Variants in PRKG1 observed in about 807,000 individuals in gnomAD.
PRKG1 encodes the protein protein kinase cGMP-dependent 1.
PRKG1 carries 35 observed loss-of-function variants against 88.1 expected under a neutral mutation model. The ratio of observed to expected loss-of-function variants is 0.40; its 90% CI spans 0.30 to 0.53. The LOEUF is 0.53. PRKG1 is among the 20% of genes least tolerant of loss of function. The pLI, the probability that PRKG1 is intolerant of heterozygous loss-of-function variation, is 0.59. For synonymous variants in PRKG1, 303 were observed against 292.5 expected (o/e 1.04, Z -0.37); for missense variants, 540 against 839.8 (o/e 0.64, Z 4.41).
chr10:52,103,474 C>G (rs1206105189), intron 7 of PRKG1, among the ~76,000 whole-genome samples: 1 of 152,058 alleles, frequency 6.6e-6, no homozygotes, highest in East Asian at 1.9e-4. Context: ...TCCACTTTCA[C>G]TTAAGGAATT....
At chr10:52,137,080 C>G (rs1837445157) in intron 8 of PRKG1, among the ~76,000 whole-genome samples, 1 of 152,046 alleles carries the variant, frequency 6.6e-6, no homozygotes, top group East Asian at 1.9e-4. Context: ...GGGCTTCATC[C>G]CATGCAAACA....
intron 4 of PRKG1, among the ~76,000 whole-genome samples, chr10:51,817,047 A>G (rs1417514991): frequency 1.3e-5 from 2 of 152,226 alleles, no homozygotes; most frequent in Non-Finnish European, 2.9e-5. Flanking sequence ...TAAGAATTTT[A>G]ATTACACAGA....
At chr10:51,958,546 C>CTTTTTTTTTT (rs754914836) in intron 5 of PRKG1, among the ~76,000 whole-genome samples, 1 of 92,866 alleles carries the variant, frequency 1.1e-5, no homozygotes, top group Non-Finnish European at 2.2e-5. Flanking sequence ...ATTGTTGTTC[C>CTTTTTTTTTT]TTTTTTTTTT....
intron 10 of PRKG1, among the ~76,000 whole-genome samples, chr10:52,261,809 GTTA>G (rs2132416801): frequency 6.6e-6 from 1 of 152,102 alleles, no homozygotes; most frequent in East Asian, 1.9e-4. Context: ...AGTATTTTTT[GTTA>G]TTGTTGTTGT....
At chr10:51,079,377 G>A (rs1844048295) in intron 1 of PRKG1, among the ~76,000 whole-genome samples, 1 of 152,168 alleles carries the variant, frequency 6.6e-6, no homozygotes, top group Non-Finnish European at 1.5e-5. Context: ...GGAAGTAGAA[G>A]GGTTTAAAGT....
chr10:51,832,049 AAG>A (rs953423853), intron 4 of PRKG1, among the ~76,000 whole-genome samples: 50 of 152,300 alleles, frequency 3.3e-4, no homozygotes, highest in African/African-American at 1.2e-3. Flanking sequence ...TAATTTCTGT[AAG>A]ACAGGTGAAA....
intron 9 of PRKG1, among the ~76,000 whole-genome samples, chr10:52,172,744 G>C (rs1450594977): frequency 6.6e-6 from 1 of 152,198 alleles, no homozygotes; most frequent in African/African-American, 2.4e-5. Flanking sequence ...GAGATAAAAT[G>C]TTTGAACCTA....
rs3029953 is a variant in PRKG1 at position 51,960,122 on chromosome 10, C to CTTTT, written c.762+52562_762+52565dup. ...CCAAAGACCTTTTTACTTTGGTTTC[C>CTTTT]TTTTTTTTTTTTTAAGCCAAACCAA... On this transcript the variant is annotated intron_variant, in intron 5 of 17. Transcript: ENST00000373980. 1.8e-3 allele frequency among the ~76,000 whole-genome samples: 264 copies of CTTTT among 144,672 alleles called. 1 individual carries two copies. The highest frequency in any genetic ancestry group is 0.018 in the Middle Eastern group (5 of 276). The allele number at this position is 144,672 out of a possible 152,430, so 94.9% of individuals were successfully genotyped here. A position where few individuals can be genotyped will look rare whatever the true frequency, so the allele number is the denominator to read the frequency against.
At chr10:50,998,771 A>G (rs1035616724) in intron 1 of PRKG1, among the ~76,000 whole-genome samples, 11 of 152,188 alleles carry the variant, frequency 7.2e-5, no homozygotes, top group African/African-American at 2.4e-4. Flanking sequence ...AATAACAACA[A>G]CAACAAAACA....
intron 3 of PRKG1, among the ~76,000 whole-genome samples, chr10:51,505,100 C>T (rs1261387092): frequency 3.3e-5 from 5 of 152,130 alleles, no homozygotes; most frequent in Non-Finnish European, 5.9e-5. Flanking sequence ...ATGATATTAG[C>T]TGTGGGTTTG....
At chr10:51,019,890 TA>T (rs535793186) in intron 1 of PRKG1, among the ~76,000 whole-genome samples, 1 of 151,966 alleles carries the variant, frequency 6.6e-6, no homozygotes, top group South Asian at 2.1e-4. Flanking sequence ...AATAAGCATA[TA>T]AAAAATGCTA....
intron 1 of PRKG1, among the ~76,000 whole-genome samples, chr10:51,144,563 G>A (rs899452045): frequency 6.6e-6 from 1 of 152,026 alleles, no homozygotes; most frequent in African/African-American, 2.4e-5. Flanking sequence ...TCAGTATTGG[G>A]TTAATTTTTC....
intron 2 of PRKG1, among the ~76,000 whole-genome samples, chr10:51,345,944 T>A (rs1284385805): frequency 6.6e-6 from 1 of 152,230 alleles, no homozygotes; most frequent in African/African-American, 2.4e-5. Flanking sequence ...GGAGATTATG[T>A]TCAGTACAGA....
At chr10:51,469,037 T>C (rs1839979914) in intron 3 of PRKG1, among the ~76,000 whole-genome samples, 1 of 151,782 alleles carries the variant, frequency 6.6e-6, no homozygotes, top group Non-Finnish European at 1.5e-5. Flanking sequence ...ACTCTTTTGA[T>C]TGATAGATGC....
intron 7 of PRKG1, among the ~76,000 whole-genome samples, chr10:52,114,358 G>C (rs1008864808): frequency 5.5e-4 from 83 of 152,082 alleles, no homozygotes; most frequent in African/African-American, 2.0e-3. Context: ...TCGTCTATTG[G>C]GGGAGGGAAA....
At chr10:52,148,702 C>T (rs907683892) in intron 8 of PRKG1, among the ~76,000 whole-genome samples, 2 of 152,138 alleles carry the variant, frequency 1.3e-5, no homozygotes, top group Non-Finnish European at 2.9e-5. Context: ...TATTGCATGA[C>T]TGCAACCAGG....
intron 5 of PRKG1, among the ~76,000 whole-genome samples, chr10:51,970,575 T>A (rs186077778): frequency 2.3e-3 from 350 of 150,772 alleles, no homozygotes; most frequent in African/African-American, 7.0e-3. Flanking sequence ...ACTTTTATTT[T>A]TTTATTTATT....
intron 4 of PRKG1, among the ~76,000 whole-genome samples, chr10:51,808,844 G>A (rs1471345908): frequency 6.6e-6 from 1 of 152,162 alleles, no homozygotes; most frequent in Non-Finnish European, 1.5e-5. Context: ...CTCTAGCAAA[G>A]GATCATGCAA....
chr10:51,647,383 T>A (rs61851500), intron 3 of PRKG1, among the ~76,000 whole-genome samples: 4,405 of 152,306 alleles, frequency 0.029, 112 homozygotes, highest in Middle Eastern at 0.044. Context: ...TAATTCAGTA[T>A]TTGAACTTGC....
Sources: gnomAD v4.1 joint callset for allele counts (sites outside exome capture counted in the v4.1 genomes callset) on GRCh38, gnomAD v4.1.1 for gene constraint, MANE v1.5 for transcripts, NCBI Gene and HGNC (gene_info 2026-07-23, HGNC 2026-07-21) for gene names.